The following CFAP54 variants were observed in gnomAD, a reference collection of about 807,000 sequenced individuals.
The protein encoded by CFAP54 is cilia- and flagella-associated protein 54.
A neutral mutation model predicts 370.4 loss-of-function variants in CFAP54; 290 were observed. The observed-to-expected ratio is 0.78, with a 90% CI of 0.71 to 0.86. CFAP54 has a LOEUF of 0.86. Among genes scored for constraint, CFAP54 ranks in the 40% least tolerant of loss-of-function variants. The pLI, the probability that CFAP54 is intolerant of heterozygous loss-of-function variation, is 0.00. For synonymous variants in CFAP54, 1,206 were observed against 1,236.5 expected (o/e 0.98, Z 0.52); for missense variants, 3,399 against 3,528.7 (o/e 0.96, Z 0.93).
At chr12:96,865,843 C>G (rs1418388739) in intron 67 of CFAP54, among the ~76,000 whole-genome samples, 1 of 151,972 alleles carries the variant, frequency 6.6e-6, no homozygotes, top group Non-Finnish European at 1.5e-5. Context: ...TTAATGACAA[C>G]TAAAAATCAT....
At chr12:96,838,198 G>A (rs1241145387) in intron 66 of CFAP54, among the ~76,000 whole-genome samples, 2 of 152,168 alleles carry the variant, frequency 1.3e-5, no homozygotes, top group East Asian at 3.9e-4. Flanking sequence ...AGCTTTGGCA[G>A]TAGGCTCAGT....
intron 12 of CFAP54, 28 bp downstream of exon 12, chr12:96,535,628 A>ATT (rs1955494222): frequency 6.8e-7 from 1 of 1,466,146 alleles, no homozygotes; most frequent in Non-Finnish European, 9.2e-7. Flanking sequence ...AATAATTTTT[A>ATT]TTAGTGTGGA....
chr12:96,693,815 T>TA lies in CFAP54; in HGVS notation c.6351+8dup, dbSNP rs763491142. ...AGAAGCAAGAATCCTCAAGGTATGTTACAAGCTTTTAAGACATTTGATATT... is the reference window on the plus strand; with the variant it reads ...AGAAGCAAGAATCCTCAAGGTATGTTAACAAGCTTTTAAGACATTTGATATT... On this transcript the variant is annotated splice_region_variant and intron_variant, in intron 45 of 67. Transcript: ENST00000524981. The TA allele has an allele frequency of 4.6e-6, 7 of 1,519,638 alleles. No homozygotes were observed. In the East Asian group the frequency reaches 1.1e-4, roughly 25 times the overall value. The allele number at this position is 1,519,638 out of a possible 1,614,324, so 94.1% of individuals were successfully genotyped here.
At position 96,732,464 on chromosome 12, in the gene CFAP54, T is replaced by A. The variant is rs927555851; in HGVS notation, c.6966-7492T>A. Among the ~76,000 whole-genome samples the A allele has an allele frequency of 2.0e-5, 3 of 152,322 alleles. No individual in the cohort carries two copies. In the East Asian group the frequency reaches 5.8e-4, roughly 29 times the overall value. On this transcript the variant is annotated intron_variant, in intron 50 of 67. Coordinates refer to ENST00000524981, the MANE Select transcript of CFAP54 (RefSeq NM_001306084.2). Reference sequence around the variant, plus strand: ...AGCTTGTTTTTTATTAAACAAGACATTAAAGAGATTCATGGCATTCTTCTC... The same window carrying A: ...AGCTTGTTTTTTATTAAACAAGACAATAAAGAGATTCATGGCATTCTTCTC...
At chr12:96,706,782 GTGTGTA>G (rs1388584196) in intron 47 of CFAP54, among the ~76,000 whole-genome samples, 6 of 150,296 alleles carry the variant, frequency 4.0e-5, no homozygotes, top group Non-Finnish European at 5.9e-5. Context: ...CTTACATTGT[GTGTGTA>G]TGTGTGTGTG....
intron 17 of CFAP54, 34 bp downstream of exon 17, chr12:96,554,836 T>C: frequency 1.3e-6 from 2 of 1,505,260 alleles, no homozygotes; most frequent in Non-Finnish European, 1.8e-6. Context: ...CCATTCTGAA[T>C]CAATTTTAAG....
intron 63 of CFAP54, among the ~76,000 whole-genome samples, chr12:96,799,212 T>C (rs1224369346): frequency 1.3e-5 from 2 of 152,144 alleles, no homozygotes; most frequent in Admixed American, 6.6e-5. Flanking sequence ...TGAAAATGGG[T>C]CAAGCTTTTA....
intron 42 of CFAP54, among the ~76,000 whole-genome samples, chr12:96,686,678 C>A (rs966333302): frequency 6.6e-6 from 1 of 152,152 alleles, no homozygotes; most frequent in African/African-American, 2.4e-5. Flanking sequence ...CTAAGCCATT[C>A]ATGAGGGATC....
chr12:96,607,647 C>G (rs1956315048), intron 26 of CFAP54, among the ~76,000 whole-genome samples: 1 of 152,140 alleles, frequency 6.6e-6, no homozygotes, highest in Admixed American at 6.5e-5. Context: ...AATAGGCTTC[C>G]TGAGTCCCAG....
chr12:96,713,346 T>G (rs566821155), intron 48 of CFAP54, among the ~76,000 whole-genome samples: 8 of 152,182 alleles, frequency 5.3e-5, no homozygotes, highest in Admixed American at 3.9e-4. Context: ...GAAATATTAT[T>G]CAGCCATAAA....
In CFAP54 at chr12:96,817,368, G is replaced by A. The variant is rs183868536; in HGVS notation, c.8958-407G>A. On this transcript the variant is annotated intron_variant, in intron 64 of 67. Coordinates refer to ENST00000524981, the MANE Select transcript of CFAP54 (RefSeq NM_001306084.2). Reference sequence around the variant, plus strand: ...GCTTGGCGATATCAGAAATCTAATCGTTAAATAACTGAGGGCTTACTTTAT... The same window carrying A: ...GCTTGGCGATATCAGAAATCTAATCATTAAATAACTGAGGGCTTACTTTAT... Among the ~76,000 whole-genome samples the A allele has an allele frequency of 6.6e-5, 10 of 151,900 alleles. No homozygotes were observed. The East Asian group carries it at 1.7e-3, about 26-fold the overall frequency.
chr12:96,630,838 T>C (rs1956600269), intron 32 of CFAP54, among the ~76,000 whole-genome samples, 187 bp downstream of exon 32: 1 of 152,006 alleles, frequency 6.6e-6, no homozygotes, highest in Non-Finnish European at 1.5e-5. Context: ...CAGTTAAAAA[T>C]GGTGATAAAT....
intron 1 of CFAP54, among the ~76,000 whole-genome samples, chr12:96,495,125 A>T (rs922490109): frequency 6.6e-6 from 1 of 151,242 alleles, no homozygotes; most frequent in East Asian, 1.9e-4. Context: ...AATTATTGTC[A>T]TACTAGAAAT....
In CFAP54 at chr12:96,652,374, G is replaced by A. The variant is rs142504142; in HGVS notation, c.5100+559G>A. 2.2e-3 allele frequency among the ~76,000 whole-genome samples: 331 copies of A among 152,244 alleles called. 9 individuals are homozygous for A. The East Asian group carries it at 0.056, about 26-fold the overall frequency. ...TAACATTTCTAGAGGAAAATATTTG[G>A]CAATGGCAGAAAAGACAAAGAGGGT... On this transcript the variant is annotated intron_variant, in intron 36 of 67. Coordinates refer to ENST00000524981, the MANE Select transcript of CFAP54 (RefSeq NM_001306084.2).
At chr12:96,544,176 T>TTA (rs71944546) in intron 14 of CFAP54, among the ~76,000 whole-genome samples, 51 of 151,390 alleles carry the variant, frequency 3.4e-4, no homozygotes, top group East Asian at 1.6e-3. Context: ...TTTGTATGTT[T>TTA]TATATATATA....
intron 60 of CFAP54, among the ~76,000 whole-genome samples, chr12:96,774,156 A>C (rs1041765635): frequency 1.3e-5 from 2 of 152,190 alleles, no homozygotes; most frequent in African/African-American, 2.4e-5. Context: ...GATTAAAAAA[A>C]AATTTGGCCT....
chr12:96,785,256 G>A (rs1420648), intron 61 of CFAP54, among the ~76,000 whole-genome samples: 49,844 of 151,722 alleles, frequency 0.33, 9,253 homozygotes, highest in East Asian at 0.44. Flanking sequence ...TCCAGTAGCC[G>A]GTATGTCAGA....
intron 66 of CFAP54, among the ~76,000 whole-genome samples, chr12:96,842,187 ATT>A (rs1959225038): frequency 6.6e-6 from 1 of 152,190 alleles, no homozygotes; most frequent in Non-Finnish European, 1.5e-5. Flanking sequence ...TAATATATAT[ATT>A]CTTGATATTA....
At chr12:96,823,631 G>A (rs1021509419) in intron 65 of CFAP54, among the ~76,000 whole-genome samples, 1 of 152,188 alleles carries the variant, frequency 6.6e-6, no homozygotes, top group East Asian at 1.9e-4. Context: ...GTAGGAGTCT[G>A]TCTCTCCAAT....
Sources: allele counts gnomAD v4.1 joint callset (sites outside exome capture counted in the v4.1 genomes callset), GRCh38; gene constraint gnomAD v4.1.1; transcripts MANE v1.5; gene names NCBI Gene and HGNC (gene_info 2026-07-23, HGNC 2026-07-21).